The following CHST10 variants were observed in gnomAD, a reference collection of about 807,000 sequenced individuals.
CHST10 encodes carbohydrate sulfotransferase 10.
CHST10 carries 24 observed loss-of-function variants against 34.7 expected under a neutral mutation model. The ratio of observed to expected loss-of-function variants is 0.69; its 90% CI spans 0.50 to 0.97. The LOEUF is 0.97. Ranked by LOEUF, CHST10 falls within the 50% of genes least tolerant of loss-of-function variation. CHST10 has a pLI of 0.00. For synonymous variants in CHST10, 161 were observed against 169.3 expected, an observed-to-expected ratio of 0.95 and a Z score of 0.38; for missense variants, 402 against 452.1, an observed-to-expected ratio of 0.89 and a Z score of 1.00.
At chr2:100,400,605 A>G (rs1371838800) in intron 4 of CHST10, among the ~76,000 whole-genome samples, 3 of 152,224 alleles carry the variant, frequency 2.0e-5, no homozygotes, top group Non-Finnish European at 4.4e-5. Context: ...TTCCCTTTGG[A>G]AATATACAAA....
chr2:100,394,208 A>G (rs78715191), intron 6 of CHST10, among the ~76,000 whole-genome samples: 4,057 of 152,176 alleles, frequency 0.027, 89 homozygotes, highest in Non-Finnish European at 0.04. Flanking sequence ...CATATTTTTA[A>G]AAGTTCAATT....
At position 100,393,565 on chromosome 2, in the gene CHST10, A is replaced by T. The variant is rs1345121814; in HGVS notation, c.751T>A (p.Trp251Arg). 8.7e-6 allele frequency: 14 copies of T among 1,614,038 alleles called. No individual in the cohort carries two copies. Among genetic ancestry groups the T allele is most frequent in the Non-Finnish European group, 1.2e-5 (14 of 1,180,030 alleles). ...TGGTCCCCAAACTGAAGGTCTAGCCATCTGTGGTTCGGATCGCCGAGGTAG... is the reference window on the plus strand; with the variant it reads ...TGGTCCCCAAACTGAAGGTCTAGCCTTCTGTGGTTCGGATCGCCGAGGTAG... ...VRYLGDPNHR[W>R]LDLQFGDHII... The change falls in exon 7 of 7, where the codon TGG becomes AGG. Residue 251 changes from tryptophan to arginine, a missense_variant. Physicochemically the swap from Trp to Arg is moderately radical, Grantham distance 101 (BLOSUM62 -3). Transcript: ENST00000264249.
chr2:100,399,023 C>T (rs1168603659), intron 4 of CHST10, among the ~76,000 whole-genome samples: 1 of 152,124 alleles, frequency 6.6e-6, no homozygotes, highest in Non-Finnish European at 1.5e-5. Context: ...CAGCCTCCAC[C>T]AACCCCATCG....
At position 100,404,383 on chromosome 2, in the gene CHST10, G is replaced by A. The variant is rs1002329422; in HGVS notation, c.101-1728C>T. 3.4e-4 allele frequency among the ~76,000 whole-genome samples: 51 copies of A among 152,128 alleles called. 1 individual carries two copies. The highest frequency in any genetic ancestry group is 1.5e-5 in the Non-Finnish European group (1 of 68,016). On this transcript the variant is annotated intron_variant, in intron 3 of 6. Coordinates refer to ENST00000264249, the MANE Select transcript of CHST10 (RefSeq NM_004854.5). ...GCAGGGAAAGTGCCCCCTTTCACTC[G>A]CCTGAAGGCAGCCGGCTGGAAAGAT...
At chr2:100,395,452 A>C in intron 6 of CHST10, 57 bp downstream of exon 6, 1 of 1,501,636 alleles carries the variant, frequency 6.7e-7, no homozygotes. Context: ...GTTTTCCCCA[A>C]ATTTCTTCTC....
rs368177057 is a variant in CHST10 at position 100,393,702 on chromosome 2, T to C, written c.614A>G (p.His205Arg). 73 of 1,613,936 alleles carry C rather than the reference T, an allele frequency of 4.5e-5. No individual in the cohort carries two copies. The highest frequency in any genetic ancestry group is 5.9e-5 in the Non-Finnish European group (70 of 1,180,016). Residue 205 changes from histidine (H) to arginine (R), a missense_variant, in exon 7 of 7, where the codon CAC becomes CGC. Coordinates refer to ENST00000264249, the MANE Select transcript of CHST10 (RefSeq NM_004854.5). ...LISAFKDKFV[H>R]NPRFEPWYRH... ...GTACCAAGGCTCAAACCGGGGATTG[T>C]GAACAAATTTATCCTTAAATGCAGA...
In CHST10 at chr2:100,413,702, A is replaced by C. The variant is rs566891889; in HGVS notation, c.-33+1339T>G. 1.5e-3 allele frequency among the ~76,000 whole-genome samples: 233 copies of C among 152,328 alleles called. 2 individuals are homozygous for C. Among genetic ancestry groups the C allele is most frequent in the African/African-American group, 5.4e-3 (225 of 41,566 alleles). ...TGTAAATTCATTTTGCTCAGCTGCCAATACCATTCCCGCCAGCAGCTTTTC... is the reference window on the plus strand; with the variant it reads ...TGTAAATTCATTTTGCTCAGCTGCCCATACCATTCCCGCCAGCAGCTTTTC... On this transcript the variant is annotated intron_variant, in intron 2 of 6. Transcript: ENST00000264249.
chr2:100,398,600 A>C (rs911526460), intron 4 of CHST10, among the ~76,000 whole-genome samples: 2 of 152,120 alleles, frequency 1.3e-5, no homozygotes, highest in African/African-American at 4.8e-5. Flanking sequence ...GCTACTTAGG[A>C]GGCTCAGGCA....
chr2:100,394,718 T>C (rs111604409), intron 6 of CHST10, among the ~76,000 whole-genome samples: 14 of 138,724 alleles, frequency 1.0e-4, no homozygotes, highest in Non-Finnish European at 2.1e-4. Flanking sequence ...AGCTAAGGAC[T>C]CCATCTTCTT....
Position 100,395,461 on chromosome 2 carries a change from T to A in CHST10, c.533+48A>T, listed in dbSNP as rs199972594. The A allele has an allele frequency of 9.1e-6, 14 of 1,538,444 alleles. No homozygotes were observed. In the East Asian group the frequency reaches 3.2e-4, roughly 35 times the overall value. ...CCTGGGGTTTTCCCCAAATTTCTTC[T>A]CAGGTTTACAAAAACTCCCCCCTCC... On this transcript the variant is annotated intron_variant, in intron 6 of 6. Coordinates refer to ENST00000264249, the MANE Select transcript of CHST10 (RefSeq NM_004854.5).
chr2:100,399,389 G>A (rs375669245), intron 4 of CHST10, among the ~76,000 whole-genome samples: 3 of 152,340 alleles, frequency 2.0e-5, no homozygotes, highest in African/African-American at 7.2e-5. Flanking sequence ...ACAGGCGTAA[G>A]CCACCACGCC....
Position 100,393,338 on chromosome 2 carries a change from G to A in CHST10, c.978C>T (p.Gly326=), listed in dbSNP as rs1558631124. 4 of 1,614,196 alleles carry A rather than the reference G, an allele frequency of 2.5e-6. No individual in the cohort carries two copies. The stretch of plus-strand genomic sequence containing the variant: ...GGCGTCGGATGTCTCGTTTGCTGAT[G>A]CCCAGGAAATAGTGCTCCACCTTGG... ...NRTKVEHYFL[G]ISKRDIRRLY... Residue 326 remains glycine (G), a synonymous_variant, in exon 7 of 7, where the codon GGC becomes GGT. Coordinates refer to ENST00000264249, the MANE Select transcript of CHST10 (RefSeq NM_004854.5).
At chr2:100,394,894 T>C (rs1160365107) in intron 6 of CHST10, among the ~76,000 whole-genome samples, 1 of 152,086 alleles carries the variant, frequency 6.6e-6, no homozygotes, top group Non-Finnish European at 1.5e-5. Context: ...GGGCTATTTT[T>C]TTTTTTTTAG....
Position 100,393,334 on chromosome 2 carries a change from T to C in CHST10, c.982A>G (p.Ser328Gly), listed in dbSNP as rs1184896374. The change falls in exon 7 of 7, where the codon AGC becomes GGC. Residue 328 changes from serine (S) to glycine (G), a missense_variant. Ser to Gly is a moderately conservative substitution (Grantham distance 56, BLOSUM62 0). Coordinates refer to ENST00000264249, the MANE Select transcript of CHST10 (RefSeq NM_004854.5). ...TACAGGCGTCGGATGTCTCGTTTGCTGATGCCCAGGAAATAGTGCTCCACC... is the reference window on the plus strand; with the variant it reads ...TACAGGCGTCGGATGTCTCGTTTGCCGATGCCCAGGAAATAGTGCTCCACC... Reference protein sequence around the residue: ...TKVEHYFLGISKRDIRRLYAR... With the variant: ...TKVEHYFLGIGKRDIRRLYAR... The C allele has an allele frequency of 5.0e-6, 8 of 1,614,130 alleles. No homozygotes were observed. Among genetic ancestry groups the C allele is most frequent in the Non-Finnish European group, 5.9e-6 (7 of 1,180,052 alleles).
chr2:100,413,274 A>G (rs920413193), intron 2 of CHST10, among the ~76,000 whole-genome samples: 4 of 152,066 alleles, frequency 2.6e-5, no homozygotes, highest in South Asian at 4.2e-4. Context: ...TGGGAGCAGA[A>G]CCTGAGCCCC....
At chr2:100,401,767 G>A (rs916432125) in intron 4 of CHST10, among the ~76,000 whole-genome samples, 2 of 152,142 alleles carry the variant, frequency 1.3e-5, no homozygotes, top group Admixed American at 6.5e-5. Context: ...ACTGACTGGT[G>A]TATGTTTTCT....
chr2:100,393,139 T>C lies in CHST10; in HGVS notation c.*106A>G. On this transcript the variant is annotated 3_prime_UTR_variant, in exon 7 of 7. Coordinates refer to ENST00000264249, the MANE Select transcript of CHST10 (RefSeq NM_004854.5). ...ACAGGCCTGTGGGAGACCCCGGGCGTCCTCAAAGGAGGGGTGTGGTGGAGG... is the reference window on the plus strand; with the variant it reads ...ACAGGCCTGTGGGAGACCCCGGGCGCCCTCAAAGGAGGGGTGTGGTGGAGG... The C allele has an allele frequency of 1.6e-6, 2 of 1,255,628 alleles. No homozygotes were observed. Among genetic ancestry groups the C allele is most frequent in the South Asian group, 1.4e-5 (1 of 70,888 alleles). 77.8% of individuals were successfully genotyped at this position (1,255,628 alleles called of 1,614,324 possible). A position where few individuals can be genotyped will look rare whatever the true frequency, so the allele number is the denominator to read the frequency against.
chr2:100,405,924 A>G (rs908338391), intron 3 of CHST10, among the ~76,000 whole-genome samples: 33 of 152,192 alleles, frequency 2.2e-4, no homozygotes, highest in African/African-American at 7.5e-4. Context: ...CAGGGCAATC[A>G]TGGGCGGTGC....
intron 3 of CHST10, among the ~76,000 whole-genome samples, chr2:100,404,432 C>T (rs967296117): frequency 1.3e-5 from 2 of 152,232 alleles, no homozygotes. Context: ...TTAAGGACCG[C>T]TGCGGTGCTC....
Sources: gnomAD v4.1 joint callset for allele counts (sites outside exome capture counted in the v4.1 genomes callset) on GRCh38, gnomAD v4.1.1 for gene constraint, MANE v1.5 for transcripts, NCBI Gene and HGNC (gene_info 2026-07-23, HGNC 2026-07-21) for gene names.